Variants in CCDC80 observed in about 807,000 individuals in gnomAD.
The protein encoded by CCDC80 is coiled-coil domain-containing protein 80.
Under a neutral mutation model 78.7 loss-of-function variants are expected in CCDC80, and 49 were observed. The observed-to-expected ratio is 0.62, with a 90% CI of 0.50 to 0.79. CCDC80 has a LOEUF of 0.79. Among genes scored for constraint, CCDC80 ranks in the 30% least tolerant of loss-of-function variants. CCDC80 has a pLI of 0.00. For synonymous variants in CCDC80, 488 were observed against 447.0 expected (o/e 1.09, Z -1.16); for missense variants, 1,205 against 1,198.6 (o/e 1.01, Z -0.08).
At chr3:112,619,434 G>A (rs1935818711) in intron 3 of CCDC80, among the ~76,000 whole-genome samples, 1 of 152,134 alleles carries the variant, frequency 6.6e-6, no homozygotes, top group Non-Finnish European at 1.5e-5. Context: ...CAGGGAGTGA[G>A]TCTTCACCCT....
Position 112,607,242 on chromosome 3 carries a change from T to A in CCDC80, c.2440A>T (p.Thr814Ser). 4 of 1,613,882 alleles carry A rather than the reference T, an allele frequency of 2.5e-6. No homozygotes were observed. The highest frequency in any genetic ancestry group is 3.4e-6 in the Non-Finnish European group (4 of 1,179,854). Residue 814 changes from threonine (T) to serine (S), a missense_variant, in exon 7 of 8, where the codon ACC becomes TCC. Transcript: ENST00000206423. ...QACNFGLRHI[T>S]ILKLLGVGEE... ...CCAACGCCTAAAAGCTTCAGAATGG[T>A]TATGTGGCGCAGACCTGAGAGAAAA...
intron 5 of CCDC80, 130 bp downstream of exon 5, chr3:112,616,580 G>T: frequency 4.0e-6 from 4 of 1,000,800 alleles, no homozygotes; most frequent in Non-Finnish European, 6.0e-6. Flanking sequence ...GGCCAGAGAT[G>T]GGTAGGTTTT....
In CCDC80 at chr3:112,605,507, A is replaced by G. The variant is rs755725356; in HGVS notation, c.2763T>C (p.Tyr921=). 4 of 1,614,092 alleles carry G rather than the reference A, an allele frequency of 2.5e-6. No individual in the cohort carries two copies. In the African/African-American group the frequency reaches 5.3e-5, roughly 22 times the overall value. The change falls in exon 8 of 8, where the codon TAT becomes TAC. Residue 921 remains tyrosine (Y), a synonymous_variant. Transcript: ENST00000206423. ...MRCPEDEYAG[Y]GYHSYHQGYQ... is the part of the protein sequence containing the mutation. ...ATCCTTGGTGGTAACTATGGTAACC[A>G]TAGCCTGCATACTCATCTTCTGGGC...
intron 2 of CCDC80, among the ~76,000 whole-genome samples, chr3:112,636,496 T>A (rs913510862): frequency 6.6e-6 from 1 of 152,186 alleles, no homozygotes. Context: ...CTACTATCAA[T>A]GTAAACAGCT....
In CCDC80 at chr3:112,605,317, G is replaced by A. The variant is rs1306158119; in HGVS notation, c.*100C>T. 8.1e-6 allele frequency: 6 copies of A among 739,132 alleles called. No homozygotes were observed. The highest frequency in any genetic ancestry group is 8.1e-5 in the South Asian group (4 of 49,298). 45.8% of individuals were successfully genotyped at this position (739,132 alleles called of 1,614,324 possible). On this transcript the variant is annotated 3_prime_UTR_variant, in exon 8 of 8. Transcript: ENST00000206423. Reference sequence around the variant, plus strand: ...CTTAGAAAAACACTGAAAGAAAAAGGCAGGAAATGTAGTACGCAGTGTGGA... The same window carrying A: ...CTTAGAAAAACACTGAAAGAAAAAGACAGGAAATGTAGTACGCAGTGTGGA...
At chr3:112,611,186 T>TA (rs895427455) in intron 5 of CCDC80, among the ~76,000 whole-genome samples, 4 of 152,214 alleles carry the variant, frequency 2.6e-5, no homozygotes, top group African/African-American at 9.6e-5. Context: ...GTGCTGGGAT[T>TA]ACAGGCGTGA....
chr3:112,633,765 A>G (rs774842081), intron 2 of CCDC80, among the ~76,000 whole-genome samples: 134 of 152,204 alleles, frequency 8.8e-4, no homozygotes, highest in Non-Finnish European at 1.6e-3. Context: ...CTCTTTCCCT[A>G]TGTTTTGACA....
intron 2 of CCDC80, among the ~76,000 whole-genome samples, chr3:112,633,941 G>A (rs12636231): frequency 0.08 from 12,135 of 152,200 alleles, 1,211 homozygotes; most frequent in African/African-American, 0.22. Flanking sequence ...ATCAGGGCAT[G>A]TATCATGAAT....
chr3:112,604,072 T>G lies in CCDC80; in HGVS notation c.*1345A>C, dbSNP rs996346356. 2.0e-5 allele frequency: 3 copies of G among 152,262 alleles called. No individual in the cohort carries two copies. The highest frequency in any genetic ancestry group is 7.2e-5 in the African/African-American group (3 of 41,470). 9.4% of individuals were successfully genotyped at this position (152,262 alleles called of 1,614,324 possible). On this transcript the variant is annotated 3_prime_UTR_variant, in exon 8 of 8. Transcript: ENST00000206423. Reference sequence around the variant, plus strand: ...AAAGTTTAATAGATGAAGACTTGCTTCTTATGAATGAACGAAGAAAGTGAT... The same window carrying G: ...AAAGTTTAATAGATGAAGACTTGCTGCTTATGAATGAACGAAGAAAGTGAT...
rs538560673 is a variant in CCDC80 at position 112,639,118 on chromosome 3, T to C, written c.788A>G (p.Gln263Arg). The change falls in exon 2 of 8, where the codon CAA becomes CGA. Residue 263 changes from glutamine (Q) to arginine (R), a missense_variant. Transcript: ENST00000206423. ...CTTCTCGATCCTACGGATGGGGCCT[T>C]GGTCGATGACCTCGTACATGGCTTC... ...RLEAMYEVID[Q>R]GPIRRIEKIR... is the part of the protein sequence containing the mutation. 1.2e-6 allele frequency: 2 copies of C among 1,614,178 alleles called. No individual in the cohort carries two copies. The highest frequency in any genetic ancestry group is 4.5e-5 in the East Asian group (2 of 44,888).
chr3:112,637,130 C>T (rs6794305), intron 2 of CCDC80, among the ~76,000 whole-genome samples: 35,825 of 152,112 alleles, frequency 0.24, 4,831 homozygotes, highest in Middle Eastern at 0.41. Context: ...TTACTCAACA[C>T]GAGTGGCACA....
rs954433431 is a variant in CCDC80 at position 112,603,536 on chromosome 3, A to T, written c.*1881T>A. 2.7e-5 allele frequency: 4 copies of T among 146,754 alleles called. No homozygotes were observed. Among genetic ancestry groups the T allele is most frequent in the Admixed American group, 6.8e-5 (1 of 14,604 alleles). The allele number at this position is 146,754 out of a possible 1,614,324, so 9.1% of individuals were successfully genotyped here. On this transcript the variant is annotated 3_prime_UTR_variant, in exon 8 of 8. Coordinates refer to ENST00000206423, the MANE Select transcript of CCDC80 (RefSeq NM_199511.3). Reference sequence around the variant, plus strand: ...TCTCGAAAAAAATATATATATATATAATATATATTATATATTTTATATATG... The same window carrying T: ...TCTCGAAAAAAATATATATATATATTATATATATTATATATTTTATATATG...
At chr3:112,609,444 A>C (rs1014269262) in intron 6 of CCDC80, among the ~76,000 whole-genome samples, 1 of 152,250 alleles carries the variant, frequency 6.6e-6, no homozygotes, top group Non-Finnish European at 1.5e-5. Context: ...CTTAGTGCTC[A>C]GTTATAGATA....
At chr3:112,621,551 TTGTGGTC>T (rs774992244) in intron 3 of CCDC80, among the ~76,000 whole-genome samples, 4 of 152,240 alleles carry the variant, frequency 2.6e-5, no homozygotes, top group Non-Finnish European at 5.9e-5. Context: ...CCACTAAGGT[TTGTGGTC>T]TTTGTTACCT....
chr3:112,631,202 A>T (rs1443491893), intron 2 of CCDC80, among the ~76,000 whole-genome samples: 2 of 152,148 alleles, frequency 1.3e-5, no homozygotes, highest in Non-Finnish European at 1.5e-5. Context: ...TACTCTCTTG[A>T]TTAATTTAGC....
At chr3:112,634,271 G>A (rs1336080226) in intron 2 of CCDC80, among the ~76,000 whole-genome samples, 4 of 152,174 alleles carry the variant, frequency 2.6e-5, no homozygotes, top group South Asian at 2.1e-4. Flanking sequence ...GATGTCTGAA[G>A]TAAAGTTGGA....
chr3:112,613,218 T>A (rs943334215), intron 5 of CCDC80, among the ~76,000 whole-genome samples: 3 of 152,228 alleles, frequency 2.0e-5, no homozygotes, highest in African/African-American at 7.2e-5. Flanking sequence ...TTGTCTTGCT[T>A]GTGCCTTAAG....
intron 2 of CCDC80, among the ~76,000 whole-genome samples, chr3:112,630,814 T>C (rs1936082485): frequency 1.3e-5 from 2 of 152,224 alleles, no homozygotes; most frequent in Admixed American, 1.3e-4. Context: ...TGATGACTTT[T>C]AGGCCTACGT....
chr3:112,639,616 A>G lies in CCDC80; in HGVS notation c.290T>C (p.Ile97Thr). 6.2e-7 allele frequency: 1 copy of G among 1,614,022 alleles called. No individual in the cohort carries two copies. Among genetic ancestry groups the G allele is most frequent in the South Asian group, 1.1e-5 (1 of 91,074 alleles). The change falls in exon 2 of 8, where the codon ATC (isoleucine) becomes ACC (threonine). Residue 97 changes from isoleucine to threonine, a missense_variant. Transcript: ENST00000206423. ...CTCAGGTCTCACGGCGGCCCCATTG[A>G]TGTCCGAGCGGGCTGGCGGCTCTGT... ...RPTEPPARSD[I>T]NGAAVRPEQR...
Sources: allele counts gnomAD v4.1 joint callset (sites outside exome capture counted in the v4.1 genomes callset), GRCh38; gene constraint gnomAD v4.1.1; transcripts MANE v1.5; gene names NCBI Gene and HGNC (gene_info 2026-07-23, HGNC 2026-07-21).